Variants in GALNT13 observed in about 807,000 individuals in gnomAD.
GALNT13 encodes the protein UDP-GalNAc:polypeptide N-acetylgalactosaminyltransferase 13.
A neutral mutation model predicts 64.2 loss-of-function variants in GALNT13; 28 were observed. That is an observed-to-expected ratio of 0.44 (90% confidence interval 0.32 to 0.60). GALNT13 has a LOEUF of 0.60. Among genes scored for constraint, GALNT13 ranks in the 20% least tolerant of loss-of-function variants. The pLI is 0.05. For missense variants in GALNT13, 577 were observed against 669.8 expected (o/e 0.86, Z 1.53); for synonymous variants, 214 against 224.6 (o/e 0.95, Z 0.42).
At chr2:154,434,537 CA>C (rs1485320180) in intron 11 of GALNT13, among the ~76,000 whole-genome samples, 1 of 152,044 alleles carries the variant, frequency 6.6e-6, no homozygotes, top group African/African-American at 2.4e-5. Context: ...GGGATTAAGG[CA>C]TAATAATCAA....
chr2:153,445,973 T>A, the GALNT13 span, among the ~76,000 whole-genome samples: 1 of 152,186 alleles, frequency 6.6e-6, no homozygotes, highest in African/African-American at 2.4e-5. Context: ...TTTTGCTTTA[T>A]TCCTTTATAT....
chr2:153,784,213 T>A, the GALNT13 span, among the ~76,000 whole-genome samples: 1 of 152,180 alleles, frequency 6.6e-6, no homozygotes, highest in Non-Finnish European at 1.5e-5. Flanking sequence ...AAAATGCTGA[T>A]AGTAATGTGG....
At chr2:153,815,693 A>T in the GALNT13 span, among the ~76,000 whole-genome samples, 2 of 151,626 alleles carry the variant, frequency 1.3e-5, no homozygotes, top group Non-Finnish European at 1.5e-5. Flanking sequence ...TCCATTCTTA[A>T]TTTTTTTTTC....
chr2:154,163,383 AT>A (rs1684850218), intron 4 of GALNT13, among the ~76,000 whole-genome samples: 1 of 152,078 alleles, frequency 6.6e-6, no homozygotes, highest in East Asian at 1.9e-4. Context: ...GAAGAATCAA[AT>A]AGATGCAATA....
chr2:153,927,836 TTTTTTCCCCTG>T (rs1288270813), intron 2 of GALNT13, among the ~76,000 whole-genome samples: 1 of 152,066 alleles, frequency 6.6e-6, no homozygotes, highest in Non-Finnish European at 1.5e-5. Flanking sequence ...AGTTGTTTTG[TTTTTTCCCCTG>T]TGGAAGAAGA....
chr2:153,405,197 C>T, the GALNT13 span, among the ~76,000 whole-genome samples: 1 of 152,146 alleles, frequency 6.6e-6, no homozygotes, highest in Non-Finnish European at 1.5e-5. Flanking sequence ...CAGCTGTTAA[C>T]ATATTGCAAG....
At chr2:153,097,966 T>C in the GALNT13 span, among the ~76,000 whole-genome samples, 1 of 152,128 alleles carries the variant, frequency 6.6e-6, no homozygotes, top group Non-Finnish European at 1.5e-5. Flanking sequence ...CTTGGGAGGC[T>C]GAGGCAAGGG....
chr2:153,418,468 C>G, the GALNT13 span, among the ~76,000 whole-genome samples: 6 of 152,072 alleles, frequency 3.9e-5, no homozygotes, highest in African/African-American at 1.4e-4. Flanking sequence ...GTGAAGTAAA[C>G]AGATAGATAA....
the GALNT13 span, among the ~76,000 whole-genome samples, chr2:153,071,943 G>C: frequency 2.6e-5 from 4 of 152,176 alleles, no homozygotes; most frequent in Non-Finnish European, 4.4e-5. Flanking sequence ...GAAGACAGAA[G>C]CTAGTAGGTT....
chr2:154,083,678 A>G (rs1232458980), intron 3 of GALNT13, among the ~76,000 whole-genome samples: 3 of 151,150 alleles, frequency 2.0e-5, no homozygotes, highest in African/African-American at 4.8e-5. Flanking sequence ...GTGGCAACTC[A>G]CCTTTTTATG....
the GALNT13 span, among the ~76,000 whole-genome samples, chr2:153,483,303 G>T: frequency 6.6e-6 from 1 of 151,892 alleles, no homozygotes; most frequent in African/African-American, 2.4e-5. Context: ...GTTCACAATG[G>T]CCAAAAGGTG....
intron 8 of GALNT13, among the ~76,000 whole-genome samples, chr2:154,295,716 T>C (rs565695930): frequency 6.6e-6 from 1 of 152,142 alleles, no homozygotes; most frequent in African/African-American, 2.4e-5. Flanking sequence ...TTGATTTTTG[T>C]AGGCACACAT....
the GALNT13 span, among the ~76,000 whole-genome samples, chr2:153,201,224 C>A: frequency 6.6e-6 from 1 of 152,232 alleles, no homozygotes; most frequent in East Asian, 1.9e-4. Context: ...GTAGATGTGG[C>A]AATCAAGTCC....
At chr2:153,638,289 A>G in the GALNT13 span, among the ~76,000 whole-genome samples, 5 of 152,178 alleles carry the variant, frequency 3.3e-5, no homozygotes, top group Non-Finnish European at 7.3e-5. Context: ...GAAAATTAAC[A>G]TAATCTGACT....
the GALNT13 span, among the ~76,000 whole-genome samples, chr2:153,274,783 T>C: frequency 7.2e-5 from 11 of 152,226 alleles, no homozygotes; most frequent in Admixed American, 2.0e-4. Flanking sequence ...CTACTTCCAG[T>C]TGTTTTCAAT....
In GALNT13 at chr2:154,117,956, C is replaced by G. The variant is rs532820118; in HGVS notation, c.143-22381C>G. 1.4e-4 allele frequency among the ~76,000 whole-genome samples: 22 copies of G among 152,030 alleles called. No individual in the cohort carries two copies. In the East Asian group the frequency reaches 4.2e-3, roughly 29 times the overall value. ...ATATGATTTATTTTGGGGAATGTTC[C>G]CTGCAGTCTTTAGAAGAATTTGTAT... On this transcript the variant is annotated intron_variant, in intron 3 of 12. Coordinates refer to ENST00000392825, the MANE Select transcript of GALNT13 (RefSeq NM_052917.4).
chr2:153,140,948 C>T, the GALNT13 span, among the ~76,000 whole-genome samples: 54,753 of 151,420 alleles, frequency 0.36, 11,619 homozygotes, highest in Admixed American at 0.5. Context: ...GTGCAATCAT[C>T]CCCATGATCT....
At chr2:153,345,703 C>CTTTCTTTCTTTCTTTCTT in the GALNT13 span, among the ~76,000 whole-genome samples, 1 of 65,774 alleles carries the variant, frequency 1.5e-5, no homozygotes, top group Non-Finnish European at 3.4e-5. Context: ...TTCTTTCTTT[C>CTTTCTTTCTTTCTTTCTT]TCTTTCTCTC....
chr2:153,900,481 C>G (rs1688164008), intron 1 of GALNT13, among the ~76,000 whole-genome samples: 1 of 152,124 alleles, frequency 6.6e-6, no homozygotes, highest in Non-Finnish European at 1.5e-5. Context: ...GTGCAACTCT[C>G]TGGATAAATC....
Sources: allele counts gnomAD v4.1 joint callset (sites outside exome capture counted in the v4.1 genomes callset), GRCh38; gene constraint gnomAD v4.1.1; transcripts MANE v1.5; gene names NCBI Gene and HGNC (gene_info 2026-07-23, HGNC 2026-07-21).